Variants in ERICH6 observed in about 807,000 individuals in gnomAD.
ERICH6 encodes glutamate-rich protein 6.
In ERICH6, 71 loss-of-function variants were observed where a neutral mutation model predicts 71.0. The observed-to-expected ratio is 1.00, with a 90% CI of 0.83 to 1.22. The LOEUF (loss-of-function observed/expected upper bound fraction) is 1.22. Ranked by LOEUF, ERICH6 falls within the 50% of genes most tolerant of loss-of-function variation. ERICH6 has a pLI of 0.00. For missense variants in ERICH6, 808 were observed against 797.2 expected (o/e 1.01, Z -0.16); for synonymous variants, 262 against 278.4 (o/e 0.94, Z 0.59).
chr3:150,681,586 G>A (rs1197486513), intron 7 of ERICH6, among the ~76,000 whole-genome samples: 2 of 152,136 alleles, frequency 1.3e-5, no homozygotes, highest in Non-Finnish European at 2.9e-5. Context: ...TGGGTCATAT[G>A]GTTACTGTAT....
intron 6 of ERICH6, among the ~76,000 whole-genome samples, chr3:150,684,578 A>G (rs1333816548): frequency 6.6e-6 from 1 of 152,134 alleles, no homozygotes; most frequent in Non-Finnish European, 1.5e-5. Flanking sequence ...TTCTCTCCAC[A>G]TGGCCATGGC....
At chr3:150,692,078 A>G (rs1486940572) in intron 3 of ERICH6, among the ~76,000 whole-genome samples, 1 of 152,192 alleles carries the variant, frequency 6.6e-6, no homozygotes. Flanking sequence ...ATATAAGACT[A>G]GCATATAGGC....
chr3:150,674,481 T>A (rs1711573913), intron 10 of ERICH6, among the ~76,000 whole-genome samples: 1 of 152,214 alleles, frequency 6.6e-6, no homozygotes, highest in South Asian at 2.1e-4. Flanking sequence ...CCTTAATTAC[T>A]ATATTTTGTA....
chr3:150,700,082 T>A (rs1428273802), intron 2 of ERICH6, among the ~76,000 whole-genome samples: 2 of 108,944 alleles, frequency 1.8e-5, no homozygotes, highest in Admixed American at 9.6e-5. Flanking sequence ...CTGAGGGAAA[T>A]TTTTTTTTTT....
At chr3:150,673,139 T>G (rs963606528) in intron 11 of ERICH6, among the ~76,000 whole-genome samples, 1 of 151,524 alleles carries the variant, frequency 6.6e-6, no homozygotes, top group African/African-American at 2.4e-5. Context: ...TCTTCCTTCC[T>G]TCCTTCCTTC....
chr3:150,687,440 G>A (rs371941673), intron 3 of ERICH6, among the ~76,000 whole-genome samples: 11 of 152,280 alleles, frequency 7.2e-5, no homozygotes, highest in African/African-American at 2.6e-4. Flanking sequence ...ATTTTCCTTG[G>A]TTATAATCAT....
rs1727437377 is a variant in ERICH6, at chr3:150,666,878, A to G, written c.1637T>C (p.Ile546Thr). ...KPVFLALNRY[I>T]GVRILEQDKI... ...GTCTTGTTCTAAGATGCGGACTCCAATATAACGGTTCAAAGCCAGAAAGAC... is the reference window on the plus strand; with the variant it reads ...GTCTTGTTCTAAGATGCGGACTCCAGTATAACGGTTCAAAGCCAGAAAGAC... Residue 546 changes from isoleucine (I) to threonine (T), a missense_variant, in exon 13 of 14, where the codon ATT (isoleucine) becomes ACT (threonine). Physicochemically the swap from Ile to Thr is moderately conservative, Grantham distance 89. Transcript: ENST00000295910. The G allele has an allele frequency of 6.2e-7, 1 of 1,614,190 alleles. No homozygotes were observed. Among genetic ancestry groups the G allele is most frequent in the South Asian group, 1.1e-5 (1 of 91,084 alleles).
intron 10 of ERICH6, among the ~76,000 whole-genome samples, chr3:150,676,432 C>T (rs1316281523): frequency 1.3e-5 from 2 of 152,050 alleles, no homozygotes; most frequent in Non-Finnish European, 2.9e-5. Flanking sequence ...TTTCAGGTCT[C>T]TTCTTATTAG....
rs111679527 is a variant in ERICH6 at position 150,701,465 on chromosome 3, T to A, written c.461+656A>T. Among the ~76,000 whole-genome samples, 455 of 152,304 alleles carry A rather than the reference T, an allele frequency of 3.0e-3. 1 individual carries two copies. Among genetic ancestry groups the A allele is most frequent in the African/African-American group, 0.01 (429 of 41,570 alleles). ...TTTTTATACCTTTGTGTAGTTTGAT[T>A]TTTTTAACCACATGTATACATTATC... is the stretch of plus-strand genomic sequence containing the variant. On this transcript the variant is annotated intron_variant, in intron 2 of 13. Transcript: ENST00000295910.
At chr3:150,671,446 T>TGG (rs1327212759) in intron 11 of ERICH6, among the ~76,000 whole-genome samples, 1 of 152,198 alleles carries the variant, frequency 6.6e-6, no homozygotes, top group Non-Finnish European at 1.5e-5. Context: ...AAGTGATCAA[T>TGG]AACTTGGTGT....
intron 3 of ERICH6, among the ~76,000 whole-genome samples, chr3:150,695,918 G>T (rs9870650): frequency 0.4 from 61,307 of 151,634 alleles, 14,678 homozygotes; most frequent in Non-Finnish European, 0.52. Context: ...TGTAGTTTTG[G>T]TGGGAGTTTT....
At chr3:150,689,484 T>C (rs941110541) in intron 3 of ERICH6, among the ~76,000 whole-genome samples, 1 of 152,218 alleles carries the variant, frequency 6.6e-6, no homozygotes, top group African/African-American at 2.4e-5. Context: ...GCAGCAATTT[T>C]TTCTAGCTGA....
intron 13 of ERICH6, among the ~76,000 whole-genome samples, chr3:150,664,251 C>T (rs1021758918): frequency 1.3e-5 from 2 of 151,938 alleles, no homozygotes; most frequent in Non-Finnish European, 2.9e-5. Context: ...AAAATGTAGA[C>T]ACAAATAAAT....
intron 10 of ERICH6, among the ~76,000 whole-genome samples, chr3:150,677,614 GCCC>G (rs960963157): frequency 2.0e-5 from 3 of 151,662 alleles, no homozygotes; most frequent in African/African-American, 7.3e-5. Flanking sequence ...TCCTGCCTCA[GCCC>G]CCCCAAGTGG....
In ERICH6 at chr3:150,660,005, G is replaced by A. The variant is rs1365391243; in HGVS notation, c.1879C>T (p.Gln627Ter). The A allele has an allele frequency of 5.6e-6, 9 of 1,614,046 alleles. No homozygotes were observed. Among genetic ancestry groups the A allele is most frequent in the East Asian group, 2.2e-5 (1 of 44,894 alleles). The change falls in exon 14 of 14, where the codon CAA becomes TAA. Residue 627 changes from glutamine (Q) to a stop codon, truncating the protein, a stop_gained. Transcript: ENST00000295910. LOFTEE classifies it low-confidence loss of function (END_TRUNC). ...GAAAGTGAAGAAAGGTAGGAAGGTTGCTTTAATTTTTCCCAAACCTGGCTT... is the reference window on the plus strand; with the variant it reads ...GAAAGTGAAGAAAGGTAGGAAGGTTACTTTAATTTTTCCCAAACCTGGCTT... Reference protein sequence around the residue: ...PSSQVWEKLKQPSYLSSLSLK... With the variant: ...PSSQVWEKLK
At chr3:150,702,889 AGTGTGT>A (rs10663390) in intron 1 of ERICH6, among the ~76,000 whole-genome samples, 5 of 113,420 alleles carry the variant, frequency 4.4e-5, no homozygotes, top group Admixed American at 9.6e-5. Context: ...AAATAATATG[AGTGTGT>A]GTGTGTGTGT....
rs746847741 is a variant in ERICH6, at chr3:150,660,011, AT to A, written c.1872del (p.Lys624AsnfsTer2). The A allele has an allele frequency of 1.9e-6, 3 of 1,614,168 alleles. No individual in the cohort carries two copies. Among genetic ancestry groups the A allele is most frequent in the Non-Finnish European group, 2.5e-6 (3 of 1,180,020 alleles). On this transcript the variant is annotated frameshift_variant, in exon 14 of 14. Transcript: ENST00000295910. LOFTEE classifies it low-confidence loss of function (END_TRUNC). The part of the protein sequence containing the change: ...VNFPSSQVWE[K>X]LKQPSYLSSL... ...GAAGAAAGGTAGGAAGGTTGCTTTA[AT>A]TTTTCCCAAACCTGGCTTGAGGGAA...
intron 8 of ERICH6, 27 bp downstream of exon 8, chr3:150,680,746 G>A (rs1189260374): frequency 1.3e-6 from 2 of 1,584,632 alleles, no homozygotes; most frequent in Admixed American, 3.8e-5. Flanking sequence ...GCCTGTATGA[G>A]TTTCAGTATC....
intron 4 of ERICH6, 72 bp downstream of exon 4, chr3:150,686,226 C>A: frequency 6.5e-6 from 10 of 1,527,798 alleles, no homozygotes; most frequent in Non-Finnish European, 9.1e-6. Context: ...GGGCTCTGTG[C>A]GAGTTAAGGT....
Sources: allele counts gnomAD v4.1 joint callset (sites outside exome capture counted in the v4.1 genomes callset), GRCh38; gene constraint gnomAD v4.1.1; transcripts MANE v1.5; gene names NCBI Gene and HGNC (gene_info 2026-07-23, HGNC 2026-07-21).